Variants in ECHDC3 observed in about 807,000 individuals in gnomAD.
ECHDC3 encodes the protein enoyl-CoA hydratase domain containing 3.
Under a neutral mutation model 17.9 loss-of-function variants are expected in ECHDC3, and 20 were observed. The observed-to-expected ratio is 1.12, with a 90% confidence interval of 0.79 to 1.63. ECHDC3 has a LOEUF of 1.63. Among genes scored for constraint, ECHDC3 ranks in the 40% most tolerant of loss-of-function variants. The probability of loss-of-function intolerance (pLI) is 0.00; values close to 1 mark genes in which losing one functional copy is unlikely to be tolerated. For synonymous variants in ECHDC3, 177 were observed against 149.7 expected (o/e 1.18, Z -1.33); for missense variants, 407 against 357.7 (o/e 1.14, Z -1.11).
chr10:11,747,553 A>G lies in ECHDC3; in HGVS notation c.292+83A>G, dbSNP rs1457586838. 6 of 1,490,982 alleles carry G rather than the reference A, an allele frequency of 4.0e-6. No homozygotes were observed. The East Asian group carries it at 1.4e-4, about 34-fold the overall frequency. 92.4% of individuals were successfully genotyped at this position (1,490,982 alleles called of 1,614,324 possible). On this transcript the variant is annotated intron_variant, in intron 2 of 4. Transcript: ENST00000379215. ...CTTTAGTAAACTGGGGCATCCCTTT[A>G]TTTAACTGGAGAATTGTTTTGAAGC...
intron 4 of ECHDC3, among the ~76,000 whole-genome samples, chr10:11,760,213 G>A (rs899135504): frequency 1.3e-5 from 2 of 152,170 alleles, no homozygotes; most frequent in Admixed American, 6.5e-5. Context: ...ATTTGTACCC[G>A]AGCGTGCTGG....
intron 1 of ECHDC3, among the ~76,000 whole-genome samples, chr10:11,745,189 G>C (rs1832746378): frequency 6.6e-6 from 1 of 152,180 alleles, no homozygotes; most frequent in Non-Finnish European, 1.5e-5. Context: ...CTCTGGGTTG[G>C]AGAGTGGACT....
rs1216519459 is a variant in ECHDC3 at position 11,742,581 on chromosome 10, C to T, written c.5C>T (p.Ala2Val). ...CGTCTGGCCATCCCGAATGCTATGGCCGCCGTCGCCGTCTTGCGGGCCTTC... is the reference window on the plus strand; with the variant it reads ...CGTCTGGCCATCCCGAATGCTATGGTCGCCGTCGCCGTCTTGCGGGCCTTC... Reference protein sequence around the residue: MAAVAVLRAFGA... With the variant: MVAVAVLRAFGA... The change falls in exon 1 of 5, where the codon GCC becomes GTC. Residue 2 changes from alanine (A) to valine (V), a missense_variant. Ala to Val is a moderately conservative substitution (Grantham distance 64). Transcript: ENST00000379215. 3 of 1,286,660 alleles carry T rather than the reference C, an allele frequency of 2.3e-6. No individual in the cohort carries two copies. The highest frequency in any genetic ancestry group is 2.9e-6 in the Non-Finnish European group (3 of 1,018,484). The allele number at this position is 1,286,660 out of a possible 1,614,324, so 79.7% of individuals were successfully genotyped here.
rs922836663 is a variant in ECHDC3, at chr10:11,742,575, C to G, written c.-2C>G. 2.4e-5 allele frequency: 31 copies of G among 1,284,982 alleles called. No individual in the cohort carries two copies. In the African/African-American group the frequency reaches 4.8e-4, roughly 20 times the overall value. The allele number at this position is 1,284,982 out of a possible 1,614,324, so 79.6% of individuals were successfully genotyped here. ...CTGCGGCGTCTGGCCATCCCGAATG[C>G]TATGGCCGCCGTCGCCGTCTTGCGG... On this transcript the variant is annotated 5_prime_UTR_variant, in exon 1 of 5. Coordinates refer to ENST00000379215, the MANE Select transcript of ECHDC3 (RefSeq NM_024693.5).
chr10:11,759,356 T>TAAAAAAAAAAAAAAAAAAA (rs151106517), intron 4 of ECHDC3, among the ~76,000 whole-genome samples: 2 of 127,404 alleles, frequency 1.6e-5, no homozygotes, highest in African/African-American at 6.8e-5. Context: ...CTCCATCTCT[T>TAAAAAAAAAAAAAAAAAAA]AAAAAAAAAA....
intron 3 of ECHDC3, among the ~76,000 whole-genome samples, chr10:11,749,898 C>A (rs1462411683): frequency 6.7e-6 from 1 of 148,556 alleles, no homozygotes; most frequent in African/African-American, 2.5e-5. Context: ...CAAGTTCAAG[C>A]GATTCTCCTG....
intron 4 of ECHDC3, among the ~76,000 whole-genome samples, chr10:11,762,596 C>T (rs947192450): frequency 3.9e-5 from 6 of 152,130 alleles, no homozygotes; most frequent in African/African-American, 1.4e-4. Context: ...AGGGAGGGAG[C>T]TGGGCTCCCC....
chr10:11,748,746 C>T (rs1482894610), intron 2 of ECHDC3, among the ~76,000 whole-genome samples: 2 of 152,002 alleles, frequency 1.3e-5, no homozygotes, highest in Non-Finnish European at 2.9e-5. Flanking sequence ...ATTAGCTGGG[C>T]GTGGGGGCAG....
At chr10:11,752,278 A>ATTT (rs58654458) in intron 3 of ECHDC3, 34,997 of 99,182 alleles carry the variant, frequency 0.35, 7,212 homozygotes, top group East Asian at 0.55. Flanking sequence ...TGCCCGGTTA[A>ATTT]TTTTTTTTTT....
rs181290280 is a variant in ECHDC3 at position 11,762,234 on chromosome 10, C to T, written c.592-990C>T. On this transcript the variant is annotated intron_variant, in intron 4 of 4. Transcript: ENST00000379215. The stretch of plus-strand genomic sequence containing the variant: ...GGTTCGTTTTACACTTGGAGCAGGG[C>T]GGCCATGGAAGACCTCAGTGATAGG... 2.6e-3 allele frequency among the ~76,000 whole-genome samples: 389 copies of T among 152,296 alleles called. 1 individual carries two copies. Among genetic ancestry groups the T allele is most frequent in the Admixed American group, 4.3e-3 (66 of 15,296 alleles).
intron 3 of ECHDC3, among the ~76,000 whole-genome samples, chr10:11,754,257 A>C (rs1478136616): frequency 6.6e-6 from 1 of 151,928 alleles, no homozygotes; most frequent in East Asian, 1.9e-4. Context: ...CAAAATCTTC[A>C]AATCAATGAA....
At chr10:11,760,709 C>T (rs1266971585) in intron 4 of ECHDC3, among the ~76,000 whole-genome samples, 5 of 152,196 alleles carry the variant, frequency 3.3e-5, no homozygotes, top group Non-Finnish European at 5.9e-5. Context: ...AGCTGTGACA[C>T]GGTCTCCACC....
intron 4 of ECHDC3, 78 bp downstream of exon 4, chr10:11,755,686 G>C: frequency 7.4e-7 from 1 of 1,349,812 alleles, no homozygotes; most frequent in Non-Finnish European, 1.0e-6. Flanking sequence ...GATGATTCAA[G>C]ATCCGCTTGT....
chr10:11,742,633 G>A lies in ECHDC3; in HGVS notation c.57G>A (p.Arg19=), dbSNP rs1327057166. The change falls in exon 1 of 5, where the codon CGG becomes CGA. Residue 19 remains arginine (R), a synonymous_variant. Coordinates refer to ENST00000379215, the MANE Select transcript of ECHDC3 (RefSeq NM_024693.5). ...AFGASGPMCL[R]RGPWAQLPAR... is the part of the protein sequence containing the mutation. ...GGGCAAGTGGGCCCATGTGTCTCCG[G>A]CGCGGCCCCTGGGCCCAGCTCCCCG... The A allele has an allele frequency of 7.8e-7, 1 of 1,278,384 alleles. No homozygotes were observed. The highest frequency in any genetic ancestry group is 2.6e-5 in the South Asian group (1 of 38,730). 79.2% of individuals were successfully genotyped at this position (1,278,384 alleles called of 1,614,324 possible). A position where few individuals can be genotyped will look rare whatever the true frequency, so the allele number is the denominator to read the frequency against.
intron 3 of ECHDC3, among the ~76,000 whole-genome samples, chr10:11,752,717 C>T (rs1263607108): frequency 6.6e-6 from 1 of 152,080 alleles, no homozygotes; most frequent in Non-Finnish European, 1.5e-5. Context: ...CTGTCGTGTT[C>T]TATAAGGTTG....
intron 1 of ECHDC3, among the ~76,000 whole-genome samples, chr10:11,745,690 CA>C (rs1416034527): frequency 6.6e-6 from 1 of 152,044 alleles, no homozygotes; most frequent in Non-Finnish European, 1.5e-5. Context: ...GAAGGAATAT[CA>C]GATTCAAAAA....
intron 1 of ECHDC3, 113 bp downstream of exon 1, chr10:11,742,859 G>GTTCCCTCCCCA: frequency 1.7e-6 from 2 of 1,151,198 alleles, no homozygotes; most frequent in Non-Finnish European, 2.2e-6. Flanking sequence ...CCCCTGGGGA[G>GTTCCCTCCCCA]GGAACTCCCC....
At position 11,742,486 on chromosome 10, in the gene ECHDC3, C is replaced by A. The variant is rs1396894375; in HGVS notation, c.-91C>A. On this transcript the variant is annotated 5_prime_UTR_variant, in exon 1 of 5. Coordinates refer to ENST00000379215, the MANE Select transcript of ECHDC3 (RefSeq NM_024693.5). ...CGTCGAGTTCCGTCGAGTTCCGTCCCGGCCCTGCTCACAGCAGCGCCCTCG... is the reference window on the plus strand; with the variant it reads ...CGTCGAGTTCCGTCGAGTTCCGTCCAGGCCCTGCTCACAGCAGCGCCCTCG... 4 of 1,180,028 alleles carry A rather than the reference C, an allele frequency of 3.4e-6. No homozygotes were observed. The African/African-American group carries it at 4.8e-5, about 14-fold the overall frequency. 73.1% of individuals were successfully genotyped at this position (1,180,028 alleles called of 1,614,324 possible). A position where few individuals can be genotyped will look rare whatever the true frequency, so the allele number is the denominator to read the frequency against.
Position 11,753,587 on chromosome 10 carries a change from C to T in ECHDC3, c.391-1821C>T, listed in dbSNP as rs747879356. ...ACAACACTCAGAACGAAAACAAAAT[C>T]TTTTCTTTCTTTGCAGCAAGACTTT... On this transcript the variant is annotated intron_variant, in intron 3 of 4. Transcript: ENST00000379215. Among the ~76,000 whole-genome samples, 4 of 152,188 alleles carry T rather than the reference C, an allele frequency of 2.6e-5. No individual in the cohort carries two copies. The East Asian group carries it at 7.7e-4, about 29-fold the overall frequency.
Sources: gnomAD v4.1 joint callset for allele counts (sites outside exome capture counted in the v4.1 genomes callset) on GRCh38, gnomAD v4.1.1 for gene constraint, MANE v1.5 for transcripts, NCBI Gene and HGNC (gene_info 2026-07-23, HGNC 2026-07-21) for gene names.